CCDC171: variants seen among roughly 807,000 people sequenced by gnomAD.
The protein encoded by CCDC171 is coiled-coil domain-containing protein 171.
In CCDC171, 177 loss-of-function variants were observed where a neutral mutation model predicts 168.2. That is an observed-to-expected ratio of 1.05 (90% CI 0.93 to 1.19). The LOEUF (loss-of-function observed/expected upper bound fraction) is 1.19. Ranked by LOEUF, CCDC171 falls within the 50% of genes most tolerant of loss-of-function variation. The probability of loss-of-function intolerance (pLI) is 0.00; values close to 1 mark genes in which losing one functional copy is unlikely to be tolerated. For synonymous variants in CCDC171, 687 were observed against 540.8 expected, an observed-to-expected ratio of 1.27 and a Z score of -3.75; for missense variants, 1,991 against 1,539.0, an observed-to-expected ratio of 1.29 and a Z score of -4.91.
At chr9:16,051,493 T>G (rs1362442917) in intron 1 of CCDC171, among the ~76,000 whole-genome samples, 1 of 152,198 alleles carries the variant, frequency 6.6e-6, no homozygotes, top group Non-Finnish European at 1.5e-5. Flanking sequence ...TGGGTTCTAC[T>G]TGCCAGCCCC....
intron 7 of CCDC171, among the ~76,000 whole-genome samples, chr9:15,643,426 C>T (rs1209251124): frequency 3.3e-5 from 5 of 152,116 alleles, no homozygotes; most frequent in African/African-American, 1.2e-4. Context: ...ATACCTACAA[C>T]CTCTGGGGGA....
At chr9:15,792,620 A>C (rs2058327077) in intron 21 of CCDC171, among the ~76,000 whole-genome samples, 1 of 152,178 alleles carries the variant, frequency 6.6e-6, no homozygotes, top group African/African-American at 2.4e-5. Flanking sequence ...CTAACAGCGG[A>C]TCTCTCGGCA....
At chr9:15,725,491 C>T (rs1274198302) in intron 14 of CCDC171, among the ~76,000 whole-genome samples, 2 of 152,056 alleles carry the variant, frequency 1.3e-5, no homozygotes, top group Non-Finnish European at 2.9e-5. Context: ...GCTCTGTTGC[C>T]TAGGCTGGAG....
In CCDC171 at chr9:15,925,838, T is replaced by C. The variant is rs527594841; in HGVS notation, c.3753+5416T>C. Among the ~76,000 whole-genome samples the C allele has an allele frequency of 4.0e-5, 6 of 151,832 alleles. No homozygotes were observed. In the East Asian group the frequency reaches 1.2e-3, roughly 29 times the overall value. On this transcript the variant is annotated intron_variant, in intron 25 of 25. Coordinates refer to ENST00000380701, the MANE Select transcript of CCDC171 (RefSeq NM_173550.4). ...AGGTAGTACTTTGTACCATCATCTC[T>C]GAAAAGCACTGAATGTGTGCTCATT...
At chr9:15,964,918 G>C (rs577429244) in intron 25 of CCDC171, among the ~76,000 whole-genome samples, 3 of 152,060 alleles carry the variant, frequency 2.0e-5, no homozygotes, top group African/African-American at 7.2e-5. Context: ...CCACCAGCAT[G>C]CCTGGCTAAT....
intron 6 of CCDC171, among the ~76,000 whole-genome samples, chr9:15,620,818 G>T (rs964440331): frequency 6.6e-6 from 1 of 152,156 alleles, no homozygotes; most frequent in Non-Finnish European, 1.5e-5. Flanking sequence ...AACTGGCACT[G>T]ACTGCCCAGC....
chr9:16,055,442 G>A (rs138050251), intron 1 of CCDC171, among the ~76,000 whole-genome samples: 12 of 152,226 alleles, frequency 7.9e-5, no homozygotes, highest in Middle Eastern at 3.4e-3. Flanking sequence ...AGAGGAGACC[G>A]GTGTAGTAGG....
At chr9:15,904,487 C>T (rs1822212210) in intron 24 of CCDC171, among the ~76,000 whole-genome samples, 2 of 151,494 alleles carry the variant, frequency 1.3e-5, no homozygotes, top group Admixed American at 1.3e-4. Context: ...GATTTTGTCA[C>T]CACCAGGCCT....
At chr9:15,642,406 T>C (rs1032378217) in intron 7 of CCDC171, among the ~76,000 whole-genome samples, 3 of 144,368 alleles carry the variant, frequency 2.1e-5, no homozygotes, top group Middle Eastern at 3.7e-3. Flanking sequence ...AGAATTTTGT[T>C]CCGCTTTCTG....
At chr9:15,792,832 A>G (rs1423401733) in intron 21 of CCDC171, among the ~76,000 whole-genome samples, 1 of 152,180 alleles carries the variant, frequency 6.6e-6, no homozygotes, top group Non-Finnish European at 1.5e-5. Context: ...AGCACTAAAC[A>G]TGGAAAGGAA....
At chr9:16,029,393 G>A (rs1213018340) in intron 6 of CCDC171, among the ~76,000 whole-genome samples, 2 of 152,204 alleles carry the variant, frequency 1.3e-5, no homozygotes, top group Non-Finnish European at 2.9e-5. Context: ...GTCAGGGATG[G>A]TAAATAGATT....
intron 3 of CCDC171, among the ~76,000 whole-genome samples, chr9:15,574,137 T>G (rs1355349875): frequency 6.6e-6 from 1 of 151,594 alleles, no homozygotes; most frequent in African/African-American, 2.4e-5. Flanking sequence ...TTTCTTTTCT[T>G]TCTCTTTTTC....
At chr9:15,982,920 G>T (rs868188580) in intron 3 of CCDC171, among the ~76,000 whole-genome samples, 6 of 152,246 alleles carry the variant, frequency 3.9e-5, no homozygotes, top group Admixed American at 3.3e-4. Context: ...TGATGCAGGG[G>T]TGAGGTCAAA....
intron 18 of CCDC171, among the ~76,000 whole-genome samples, chr9:15,749,790 A>G (rs1383182750): frequency 6.6e-6 from 1 of 152,240 alleles, no homozygotes; most frequent in Non-Finnish European, 1.5e-5. Context: ...CAAAGACACA[A>G]CATACCAGAA....
intron 3 of CCDC171, among the ~76,000 whole-genome samples, chr9:16,018,834 G>C (rs921480063): frequency 2.6e-5 from 4 of 152,196 alleles, no homozygotes; most frequent in African/African-American, 9.6e-5. Flanking sequence ...AAAAACCTAG[G>C]AGGGCCTTTT....
At chr9:15,736,648 G>A (rs549756328) in intron 16 of CCDC171, among the ~76,000 whole-genome samples, 2 of 143,454 alleles carry the variant, frequency 1.4e-5, no homozygotes, top group African/African-American at 2.6e-5. Flanking sequence ...CACGGTGCCC[G>A]GCTCACATTT....
intron 10 of CCDC171, among the ~76,000 whole-genome samples, chr9:15,689,864 G>A (rs771856294): frequency 1.1e-4 from 16 of 152,120 alleles, no homozygotes; most frequent in Admixed American, 2.0e-4. Context: ...GTATATCAAT[G>A]GACCAGAATT....
chr9:15,926,678 A>G (rs535414502), intron 25 of CCDC171, among the ~76,000 whole-genome samples: 1 of 151,660 alleles, frequency 6.6e-6, no homozygotes, highest in Non-Finnish European at 1.5e-5. Flanking sequence ...TAATAAGTAG[A>G]TGAAAATTCC....
At chr9:15,617,064 G>T (rs2044135655) in intron 6 of CCDC171, among the ~76,000 whole-genome samples, 1 of 152,104 alleles carries the variant, frequency 6.6e-6, no homozygotes, top group South Asian at 2.1e-4. Flanking sequence ...CTCTATACTG[G>T]TTATTCTAGT....
Sources: gnomAD v4.1 joint callset for allele counts (sites outside exome capture counted in the v4.1 genomes callset) on GRCh38, gnomAD v4.1.1 for gene constraint, MANE v1.5 for transcripts, NCBI Gene and HGNC (gene_info 2026-07-23, HGNC 2026-07-21) for gene names.